Variants in DENND2B observed in about 807,000 individuals in gnomAD.
DENND2B encodes DENN domain-containing protein 2B.
Under a neutral mutation model 116.0 loss-of-function variants are expected in DENND2B, and 32 were observed. That is an observed-to-expected ratio of 0.28 (90% CI 0.21 to 0.37). The LOEUF (loss-of-function observed/expected upper bound fraction) is 0.37, where lower values mean the gene tolerates loss of function less well. Among genes scored for constraint, DENND2B ranks in the 10% least tolerant of loss-of-function variants. The pLI is 1.00. For missense variants in DENND2B, 1,276 were observed against 1,477.7 expected, an observed-to-expected ratio of 0.86 and a Z score of 2.24; for synonymous variants, 588 against 583.9, an observed-to-expected ratio of 1.01 and a Z score of -0.10.
At chr11:8,897,601 G>T (rs1329979242) in intron 1 of DENND2B, among the ~76,000 whole-genome samples, 1 of 152,184 alleles carries the variant, frequency 6.6e-6, no homozygotes, top group East Asian at 1.9e-4. Context: ...TTAATAGGCA[G>T]ATCTAGGGAA....
rs533900072 is a variant in DENND2B, at chr11:8,880,414, A to C, written c.-156+596T>G. Among the ~76,000 whole-genome samples the C allele has an allele frequency of 4.2e-3, 631 of 150,186 alleles. 4 individuals carry two copies. Among genetic ancestry groups the C allele is most frequent in the Non-Finnish European group, 7.6e-3 (516 of 67,642 alleles). ...TTTACTACCAAATGTGATTTATTAT[A>C]TGTAATTGCTAAGAGCCTCAGCTTT... On this transcript the variant is annotated intron_variant, in intron 2 of 22. Coordinates refer to the DENND2B transcript ENST00000534127.
At chr11:8,892,345 G>A (rs2064044532) in intron 1 of DENND2B, among the ~76,000 whole-genome samples, 1 of 152,084 alleles carries the variant, frequency 6.6e-6, no homozygotes, top group African/African-American at 2.4e-5. Flanking sequence ...AACTAGAAAA[G>A]CAAGAGCAAA....
At chr11:8,793,903 T>C (rs1167998916) in intron 1 of DENND2B, among the ~76,000 whole-genome samples, 1 of 152,172 alleles carries the variant, frequency 6.6e-6, no homozygotes, top group Non-Finnish European at 1.5e-5. Context: ...CATAAACTTT[T>C]CGTGTAAAAC....
intron 1 of DENND2B, among the ~76,000 whole-genome samples, chr11:8,799,240 G>A (rs1461268616): frequency 6.6e-6 from 1 of 152,124 alleles, no homozygotes; most frequent in Non-Finnish European, 1.5e-5. Flanking sequence ...GGCTCTCCCA[G>A]CACAGCCAAG....
chr11:8,896,619 C>A (rs1171774594), intron 1 of DENND2B, among the ~76,000 whole-genome samples: 1 of 152,176 alleles, frequency 6.6e-6, no homozygotes, highest in Admixed American at 6.5e-5. Context: ...AAGCAATATA[C>A]ATTCAGTGGA....
At chr11:8,870,524 T>TGTGC (rs2063743426) in intron 2 of DENND2B, among the ~76,000 whole-genome samples, 1 of 114,454 alleles carries the variant, frequency 8.7e-6, no homozygotes. Context: ...TGTGTGTGTG[T>TGTGC]GCGCGCGCGC....
At chr11:8,821,579 A>C (rs75624050) in intron 4 of DENND2B, among the ~76,000 whole-genome samples, 1 of 2,760 alleles carries the variant, frequency 3.6e-4, no homozygotes, top group Non-Finnish European at 0.042. Flanking sequence ...ATCCTGTCTC[A>C]AAAAAAAAAA....
At chr11:8,799,531 C>T (rs1264920496) in intron 1 of DENND2B, among the ~76,000 whole-genome samples, 1 of 150,168 alleles carries the variant, frequency 6.7e-6, no homozygotes, top group Admixed American at 6.6e-5. Flanking sequence ...CTATTTTCTT[C>T]TCACACTCAT....
chr11:8,717,931 A>G, intron 4 of DENND2B, 39 bp from the exon 5 acceptor site: 1 of 1,593,224 alleles, frequency 6.3e-7, no homozygotes, highest in Non-Finnish European at 8.6e-7. Context: ...GGAGAAGGGA[A>G]GAAGGAAACA....
In DENND2B at chr11:8,702,580, A is replaced by G. The variant is rs2041906732; in HGVS notation, c.2712T>C (p.Asp904=). The G allele has an allele frequency of 1.2e-6, 2 of 1,612,402 alleles. No homozygotes were observed. The highest frequency in any genetic ancestry group is 2.7e-5 in the African/African-American group (2 of 74,890). Residue 904 remains aspartate, a synonymous_variant, in exon 14 of 20, where the codon GAT becomes GAC. Transcript: ENST00000313726. This position sits in a 1 kb window ranked among gnomAD's most constrained non-coding sequence, Gnocchi z 4.6. ...GCCCGGCTGGGCCCTACCTGAGCTT[A>G]TCTGCCACAAAAATGACCCGGCGCT... is the stretch of plus-strand genomic sequence containing the variant. ...LLERRVIFVA[D]KLSTLSSCSH...
chr11:8,822,547 C>T (rs537775705), intron 4 of DENND2B, among the ~76,000 whole-genome samples: 16 of 152,328 alleles, frequency 1.1e-4, no homozygotes, highest in Admixed American at 5.2e-4. Context: ...CTCGGACTCA[C>T]GGAGCCACTC....
At chr11:8,907,520 G>A (rs954499001) in intron 1 of DENND2B, among the ~76,000 whole-genome samples, 2 of 151,016 alleles carry the variant, frequency 1.3e-5, no homozygotes, top group Non-Finnish European at 3.0e-5. Flanking sequence ...TTTACAAATA[G>A]AAAAATAAAA....
At position 8,699,296 on chromosome 11, in the gene DENND2B, C is replaced by T; in HGVS notation, c.2815G>A (p.Asp939Asn). 6.2e-7 allele frequency: 1 copy of T among 1,604,586 alleles called. No homozygotes were observed. Among genetic ancestry groups the T allele is most frequent in the Non-Finnish European group, 8.5e-7 (1 of 1,177,772 alleles). The change falls in exon 15 of 20, where the codon GAC (aspartate) becomes AAC (asparagine). Residue 939 changes from aspartate (D) to asparagine (N), a missense_variant. Physicochemically the swap from Asp to Asn is conservative, Grantham distance 23. This residue lies in a region of DENND2B where 420 missense variants were observed against 631.1 expected (regional missense o/e 0.67). Coordinates refer to ENST00000313726, the MANE Select transcript of DENND2B (RefSeq NM_213618.2). ...AAGGGGGTGGGACAGCAGACGATGT[C>T]AATCATGGAGGCCGGGAGGACAGGA... ...FIPVLPASMI[D>N]IVCCPTPFLV...
chr11:8,826,047 T>C (rs1029946939), intron 4 of DENND2B, among the ~76,000 whole-genome samples: 2 of 152,166 alleles, frequency 1.3e-5, no homozygotes, highest in African/African-American at 4.8e-5. Context: ...CCCCTTAAAC[T>C]GAGAAGATAA....
rs1055871967 is a variant in DENND2B, at chr11:8,743,560, A to AT, written c.80+7060dup. Among the ~76,000 whole-genome samples the AT allele has an allele frequency of 2.6e-4, 39 of 151,522 alleles. 1 individual carries two copies. The highest frequency in any genetic ancestry group is 7.5e-4 in the African/African-American group (31 of 41,164). On this transcript the variant is annotated intron_variant, in intron 2 of 19. Coordinates refer to ENST00000313726, the MANE Select transcript of DENND2B (RefSeq NM_213618.2). ...GTGAGACCCTGTCTCAAAAAAAAAA[A>AT]TTTTTTTTTTAAATTACTTAAAGTG...
chr11:8,881,791 C>A (rs1472313934), intron 1 of DENND2B, among the ~76,000 whole-genome samples: 2 of 152,140 alleles, frequency 1.3e-5, no homozygotes, highest in African/African-American at 4.8e-5. Flanking sequence ...CCGATCCACC[C>A]ACCTCAGCCT....
rs117932843 is a variant in DENND2B at position 8,718,355 on chromosome 11, C to T, written c.1478-463G>A. 14,116 of 1,535,294 alleles carry T rather than the reference C, an allele frequency of 9.2e-3. 111 individuals are homozygous for T. Among genetic ancestry groups the T allele is most frequent in the Non-Finnish European group, 0.011 (12,890 of 1,146,698 alleles). On this transcript the variant is annotated intron_variant, in intron 4 of 19. Coordinates refer to ENST00000313726, the MANE Select transcript of DENND2B (RefSeq NM_213618.2). ...ACTCTCAGGGGATCTCCCTGGGGAC[C>T]TACTTTGGAGGGTGGGCATGGAGGA...
intron 13 of DENND2B, among the ~76,000 whole-genome samples, chr11:8,704,622 A>G (rs187264840): frequency 2.0e-5 from 3 of 152,174 alleles, no homozygotes; most frequent in Non-Finnish European, 4.4e-5. Flanking sequence ...CACTCTCTAC[A>G]ACTAATTTAT....
At chr11:8,771,869 T>G (rs2056961759) in intron 1 of DENND2B, 1 of 152,204 alleles carries the variant, frequency 6.6e-6, no homozygotes, top group African/African-American at 2.4e-5. Context: ...AGAAACAAAC[T>G]CTAGCAATGA....
Sources: gnomAD v4.1 joint callset for allele counts (sites outside exome capture counted in the v4.1 genomes callset) on GRCh38, gnomAD v4.1.1 for gene constraint, gnomAD v4.1.1 regional missense constraint, Gnocchi (gnomAD v3.1) non-coding constraint, MANE v1.5 for transcripts, NCBI Gene and HGNC (gene_info 2026-07-23, HGNC 2026-07-21) for gene names.